The following SIK2 variants were observed in gnomAD, a reference collection of about 807,000 sequenced individuals.
SIK2 encodes serine/threonine-protein kinase SIK2.
SIK2 carries 29 observed loss-of-function variants against 103.2 expected under a neutral mutation model. That is an observed-to-expected ratio of 0.28 (90% CI 0.21 to 0.38). The LOEUF is 0.38. SIK2 is among the 10% of genes least tolerant of loss of function. The pLI is 1.00. For synonymous variants in SIK2, 412 were observed against 446.1 expected (o/e 0.92, Z 0.96); for missense variants, 879 against 1,171.0 (o/e 0.75, Z 3.64).
Position 111,727,922 on chromosome 11 carries a change from TA to T in SIK2, c.*3796del, listed in dbSNP as rs1355292096. The T allele has an allele frequency of 2.6e-5, 4 of 152,254 alleles. No individual in the cohort carries two copies. Among genetic ancestry groups the T allele is most frequent in the Non-Finnish European group, 5.9e-5 (4 of 68,054 alleles). The allele number at this position is 152,254 out of a possible 1,614,324, so 9.4% of individuals were successfully genotyped here. On this transcript the variant is annotated 3_prime_UTR_variant, in exon 15 of 15. Coordinates refer to ENST00000304987, the MANE Select transcript of SIK2 (RefSeq NM_015191.3). ...AGCCTCTAGTCAAGCCCCAGGTTCG[TA>T]AATATGTTTGTATTACATTTTAAAA...
intron 3 of SIK2, among the ~76,000 whole-genome samples, chr11:111,625,468 C>T (rs1941948881): frequency 6.6e-6 from 1 of 152,008 alleles, no homozygotes; most frequent in South Asian, 2.1e-4. Flanking sequence ...AGATCTGATC[C>T]CTGAGGCATT....
At chr11:111,677,824 T>C (rs567271632) in intron 3 of SIK2, among the ~76,000 whole-genome samples, 198 of 152,330 alleles carry the variant, frequency 1.3e-3, no homozygotes, top group African/African-American at 4.6e-3. Context: ...TTTAGGACCA[T>C]TGTCATAGAG....
At position 111,679,879 on chromosome 11, in the gene SIK2, C is replaced by T. The variant is rs181496491; in HGVS notation, c.317-8122C>T. ...GTGGCTCACGCCTATAATCCCAGCA[C>T]TTTGGGAGGCCGAGGTGGGCGGATC... On this transcript the variant is annotated intron_variant, in intron 3 of 14. Transcript: ENST00000304987. Among the ~76,000 whole-genome samples, 50 of 152,198 alleles carry T rather than the reference C, an allele frequency of 3.3e-4. No homozygotes were observed. In the East Asian group the frequency reaches 9.1e-3, roughly 28 times the overall value.
intron 3 of SIK2, among the ~76,000 whole-genome samples, chr11:111,642,093 C>T (rs1237801787): frequency 6.6e-6 from 1 of 152,202 alleles, no homozygotes; most frequent in African/African-American, 2.4e-5. Context: ...CATCACCCTT[C>T]TGAACGGTTT....
At chr11:111,622,812 T>C (rs1941909387) in intron 3 of SIK2, among the ~76,000 whole-genome samples, 1 of 152,196 alleles carries the variant, frequency 6.6e-6, no homozygotes, top group African/African-American at 2.4e-5. Context: ...TGTGCCTTTT[T>C]TCTCTGGCTG....
chr11:111,699,547 G>A (rs1228926806), intron 4 of SIK2, among the ~76,000 whole-genome samples: 3 of 152,210 alleles, frequency 2.0e-5, no homozygotes, highest in Non-Finnish European at 4.4e-5. Flanking sequence ...AAGCTTGAAA[G>A]TGATAAAACT....
intron 4 of SIK2, among the ~76,000 whole-genome samples, chr11:111,694,471 T>C (rs751056109): frequency 6.6e-6 from 1 of 152,316 alleles, no homozygotes; most frequent in South Asian, 2.1e-4. Flanking sequence ...GGCCCATCAT[T>C]GCTTCTAGCA....
At chr11:111,720,394 A>G (rs1943765358) in intron 10 of SIK2, 84 bp from the exon 11 acceptor site, 1 of 1,379,986 alleles carries the variant, frequency 7.2e-7, no homozygotes, top group South Asian at 1.5e-5. Context: ...TAGCTGTCAA[A>G]ACTCAAGCTG....
chr11:111,719,517 T>G (rs992704698), intron 9 of SIK2, among the ~76,000 whole-genome samples: 1 of 152,100 alleles, frequency 6.6e-6, no homozygotes, highest in Non-Finnish European at 1.5e-5. Context: ...AAGTTGTTTA[T>G]TGTAATAATG....
At chr11:111,683,745 C>A (rs1858248978) in intron 3 of SIK2, among the ~76,000 whole-genome samples, 1 of 152,194 alleles carries the variant, frequency 6.6e-6, no homozygotes, top group Admixed American at 6.5e-5. Context: ...AGCTGCCACA[C>A]CAGCCCATCA....
At chr11:111,648,064 T>C (rs1942280657) in intron 3 of SIK2, among the ~76,000 whole-genome samples, 1 of 151,594 alleles carries the variant, frequency 6.6e-6, no homozygotes, top group Admixed American at 6.6e-5. Flanking sequence ...GAATCTGTAA[T>C]GTTAAAAAAT....
chr11:111,678,854 A>G (rs758553357), intron 3 of SIK2, among the ~76,000 whole-genome samples: 6 of 152,222 alleles, frequency 3.9e-5, no homozygotes, highest in Non-Finnish European at 7.3e-5. Context: ...GTTCTTTGCC[A>G]TGAAGTGCCA....
intron 14 of SIK2, among the ~76,000 whole-genome samples, chr11:111,723,027 A>T (rs1269750048): frequency 6.6e-6 from 1 of 152,124 alleles, no homozygotes; most frequent in African/African-American, 2.4e-5. Flanking sequence ...AAGCTTTCAC[A>T]GTCAGTGGCC....
intron 3 of SIK2, among the ~76,000 whole-genome samples, chr11:111,686,000 C>T (rs1487657779): frequency 6.6e-6 from 1 of 152,212 alleles, no homozygotes; most frequent in Non-Finnish European, 1.5e-5. Flanking sequence ...AGCCAGATTA[C>T]TTAATCCCTC....
intron 4 of SIK2, among the ~76,000 whole-genome samples, chr11:111,691,128 C>A (rs999554282): frequency 1.3e-5 from 2 of 152,166 alleles, no homozygotes; most frequent in Non-Finnish European, 2.9e-5. Context: ...TATTATAATT[C>A]TGGCATAAAA....
intron 3 of SIK2, among the ~76,000 whole-genome samples, chr11:111,646,066 GT>G (rs1942251717): frequency 6.6e-6 from 1 of 151,052 alleles, no homozygotes; most frequent in Non-Finnish European, 1.5e-5. Context: ...ATTAAGTATA[GT>G]TTTAGTGCAT....
intron 8 of SIK2, among the ~76,000 whole-genome samples, chr11:111,708,718 G>A (rs1287599716): frequency 1.3e-5 from 2 of 151,926 alleles, no homozygotes; most frequent in East Asian, 1.9e-4. Context: ...CAAGTAGCTG[G>A]GACCACAAGT....
At chr11:111,699,201 C>T (rs1238197009) in intron 4 of SIK2, among the ~76,000 whole-genome samples, 2 of 152,154 alleles carry the variant, frequency 1.3e-5, no homozygotes, top group African/African-American at 4.8e-5. Flanking sequence ...TTGCCTCACA[C>T]TCCTGGATAC....
chr11:111,617,710 A>G (rs1407813588), intron 2 of SIK2, among the ~76,000 whole-genome samples: 1 of 152,158 alleles, frequency 6.6e-6, no homozygotes, highest in Admixed American at 6.5e-5. Flanking sequence ...CAGAACCTCT[A>G]GTTATGTTTA....
Sources: gnomAD v4.1 joint callset for allele counts (sites outside exome capture counted in the v4.1 genomes callset) on GRCh38, gnomAD v4.1.1 for gene constraint, MANE v1.5 for transcripts, NCBI Gene and HGNC (gene_info 2026-07-23, HGNC 2026-07-21) for gene names.